NKAIN1: variants seen among roughly 807,000 people sequenced by gnomAD.
NKAIN1 encodes the protein sodium/potassium-transporting ATPase subunit beta-1-interacting protein 1.
NKAIN1 carries 13 observed loss-of-function variants against 31.6 expected under a neutral mutation model. That is an observed-to-expected ratio of 0.41 (90% CI 0.27 to 0.65). The LOEUF is 0.65. Among genes scored for constraint, NKAIN1 ranks in the 30% least tolerant of loss-of-function variants. NKAIN1 has a pLI of 0.30. For missense variants in NKAIN1, 193 were observed against 262.2 expected (o/e 0.74, Z 1.82); for synonymous variants, 104 against 109.0 (o/e 0.95, Z 0.28).
chr1:31,197,490 C>T (rs1645338556), intron 1 of NKAIN1, among the ~76,000 whole-genome samples: 1 of 148,034 alleles, frequency 6.8e-6, no homozygotes, highest in Non-Finnish European at 1.5e-5. Context: ...TTGTGATTTG[C>T]CCGCCTTGGC....
At chr1:31,188,366 T>C in intron 1 of NKAIN1, 179 bp from the exon 2 acceptor site, 1 of 659,432 alleles carries the variant, frequency 1.5e-6, no homozygotes, top group East Asian at 2.8e-5. Context: ...TGATCATCAC[T>C]TTGGGGTGGG....
chr1:31,236,708 A>G (rs6425720), intron 1 of NKAIN1, among the ~76,000 whole-genome samples: 84,208 of 152,034 alleles, frequency 0.55, 24,040 homozygotes, highest in Non-Finnish European at 0.63. Flanking sequence ...GGGAGAAACC[A>G]GAATGCCACC....
intron 5 of NKAIN1, 56 bp downstream of exon 5, chr1:31,182,474 A>G (rs571612916): frequency 1.3e-6 from 2 of 1,596,502 alleles, no homozygotes; most frequent in African/African-American, 1.3e-5. Context: ...GCCTCTGTCC[A>G]GGGTGCTGAA....
chr1:31,209,323 C>T (rs1372254153), intron 1 of NKAIN1, among the ~76,000 whole-genome samples: 1 of 151,522 alleles, frequency 6.6e-6, no homozygotes, highest in Non-Finnish European at 1.5e-5. Flanking sequence ...TGCAGTGAGC[C>T]GAGATTGCGC....
intron 1 of NKAIN1, among the ~76,000 whole-genome samples, chr1:31,229,176 G>GT (rs145271459): frequency 6.6e-6 from 1 of 152,314 alleles, no homozygotes; most frequent in African/African-American, 2.4e-5. Context: ...GGCAGTTTGT[G>GT]TGTGCTTGAT....
chr1:31,190,049 T>C (rs945401531), intron 1 of NKAIN1, among the ~76,000 whole-genome samples: 14 of 152,224 alleles, frequency 9.2e-5, no homozygotes, highest in Non-Finnish European at 2.1e-4. Flanking sequence ...GTCCTGCTGA[T>C]TTTTGTCATT....
chr1:31,182,523 TACTC>T lies in NKAIN1; in HGVS notation c.532+3_532+6del. On this transcript the variant is annotated splice_donor_5th_base_variant and intron_variant, in intron 5 of 6. Coordinates refer to ENST00000373736, the MANE Select transcript of NKAIN1 (RefSeq NM_024522.3). ...ATTCCCCACTTCCCCAGGGGCGCCT[TACTC>T]ACAGCTGTCCTCCTCCTCCAGGAAC... The T allele has an allele frequency of 6.2e-7, 1 of 1,614,048 alleles. No homozygotes were observed.
intron 1 of NKAIN1, among the ~76,000 whole-genome samples, chr1:31,223,260 CA>C (rs1322822711): frequency 6.6e-6 from 1 of 150,918 alleles, no homozygotes; most frequent in Non-Finnish European, 1.5e-5. Flanking sequence ...CTTGTAATCC[CA>C]AATGCTCGGG....
intron 1 of NKAIN1, among the ~76,000 whole-genome samples, chr1:31,194,726 A>C (rs1360558749): frequency 1.1e-4 from 8 of 72,172 alleles, no homozygotes; most frequent in African/African-American, 1.6e-4. Context: ...TTTTCTTTTC[A>C]TTTCCTTTCC....
intron 1 of NKAIN1, among the ~76,000 whole-genome samples, chr1:31,190,233 A>C (rs976753175): frequency 1.3e-5 from 2 of 152,204 alleles, no homozygotes; most frequent in African/African-American, 4.8e-5. Context: ...GCAGAGACCA[A>C]GGAAGCTGCA....
intron 1 of NKAIN1, among the ~76,000 whole-genome samples, chr1:31,192,646 G>A (rs2148351588): frequency 6.6e-6 from 1 of 152,134 alleles, no homozygotes; most frequent in African/African-American, 2.4e-5. Flanking sequence ...CACTTCCGGG[G>A]TTCACGCCAT....
intron 1 of NKAIN1, among the ~76,000 whole-genome samples, chr1:31,206,463 T>C (rs1570464311): frequency 6.6e-6 from 1 of 152,058 alleles, no homozygotes; most frequent in Non-Finnish European, 1.5e-5. Flanking sequence ...TGAGACAGGG[T>C]CTCACTGTTT....
chr1:31,225,619 C>T (rs7513300), intron 1 of NKAIN1, among the ~76,000 whole-genome samples: 47,921 of 151,796 alleles, frequency 0.32, 9,554 homozygotes, highest in African/African-American at 0.57. Flanking sequence ...TGAGCCACCA[C>T]GCCTCACAGT....
intron 1 of NKAIN1, among the ~76,000 whole-genome samples, chr1:31,211,326 A>G (rs544080498): frequency 6.6e-6 from 1 of 152,374 alleles, no homozygotes; most frequent in Non-Finnish European, 1.5e-5. Flanking sequence ...GTCCAAGATC[A>G]ATATACAAAA....
intron 1 of NKAIN1, among the ~76,000 whole-genome samples, chr1:31,197,393 G>C (rs1434041402): frequency 6.6e-6 from 1 of 152,010 alleles, no homozygotes; most frequent in African/African-American, 2.4e-5. Context: ...TTACAGGCGT[G>C]AGCTACCACG....
chr1:31,191,672 G>T (rs1047163497), intron 1 of NKAIN1, among the ~76,000 whole-genome samples: 1 of 152,138 alleles, frequency 6.6e-6, no homozygotes, highest in Admixed American at 6.5e-5. Flanking sequence ...GGCACCGAGG[G>T]CCCACTAGGA....
chr1:31,214,752 T>C (rs889678961), intron 1 of NKAIN1, among the ~76,000 whole-genome samples: 1 of 152,136 alleles, frequency 6.6e-6, no homozygotes, highest in African/African-American at 2.4e-5. Context: ...CAGGCAGAGA[T>C]GAGCGCCTGT....
chr1:31,192,255 T>A (rs1415394219), intron 1 of NKAIN1, among the ~76,000 whole-genome samples: 3 of 152,170 alleles, frequency 2.0e-5, no homozygotes, highest in Non-Finnish European at 4.4e-5. Context: ...CACCCAACAA[T>A]CATTCACTCA....
chr1:31,188,355 C>T, intron 1 of NKAIN1, 168 bp from the exon 2 acceptor site: 1 of 695,772 alleles, frequency 1.4e-6, no homozygotes, highest in East Asian at 2.7e-5. Flanking sequence ...GTCCTTAAGC[C>T]TGATCATCAC....
Sources: allele counts gnomAD v4.1 joint callset (sites outside exome capture counted in the v4.1 genomes callset), GRCh38; gene constraint gnomAD v4.1.1; transcripts MANE v1.5; gene names NCBI Gene and HGNC (gene_info 2026-07-23, HGNC 2026-07-21).